SETBP1: variants seen among roughly 807,000 people sequenced by gnomAD.
The protein encoded by SETBP1 is SET binding protein 1.
Under a neutral mutation model 101.0 loss-of-function variants are expected in SETBP1, and 9 were observed. The observed-to-expected ratio is 0.09, with a 90% CI of 0.05 to 0.16. SETBP1 has a LOEUF of 0.16. SETBP1 is among the 10% of genes least tolerant of loss of function. The pLI, the probability that SETBP1 is intolerant of heterozygous loss-of-function variation, is 1.00. For synonymous variants in SETBP1, 818 were observed against 788.5 expected, an observed-to-expected ratio of 1.04 and a Z score of -0.63; for missense variants, 1,858 against 2,033.8, an observed-to-expected ratio of 0.91 and a Z score of 1.66.
intron 5 of SETBP1, among the ~76,000 whole-genome samples, chr18:45,041,714 C>A (rs1172564228): frequency 6.6e-6 from 1 of 152,170 alleles, no homozygotes; most frequent in African/African-American, 2.4e-5. Flanking sequence ...GTCATCCCAG[C>A]ATTTTGAGAG....
intron 4 of SETBP1, chr18:44,986,646 T>C (rs901363146): frequency 6.6e-6 from 1 of 151,998 alleles, no homozygotes; most frequent in Admixed American, 6.5e-5. Context: ...TTTAAACTTT[T>C]TGGTTAAAAA....
At chr18:44,928,469 G>A (rs1390561686) in intron 3 of SETBP1, among the ~76,000 whole-genome samples, 1 of 152,162 alleles carries the variant, frequency 6.6e-6, no homozygotes, top group Admixed American at 6.5e-5. Flanking sequence ...AAGGTCAAAT[G>A]GTATTTCTAG....
chr18:44,734,745 C>T (rs1463134616), intron 2 of SETBP1, among the ~76,000 whole-genome samples: 1 of 152,168 alleles, frequency 6.6e-6, no homozygotes, highest in Admixed American at 6.5e-5. Context: ...CAGTCATTTC[C>T]TGGCAAAATG....
intron 2 of SETBP1, among the ~76,000 whole-genome samples, chr18:44,730,402 G>A (rs2069813268): frequency 6.6e-6 from 1 of 152,198 alleles, no homozygotes; most frequent in Admixed American, 6.5e-5. Context: ...ATGGAACTAC[G>A]GAGGATTCAG....
At chr18:45,055,461 T>G (rs1029807292) in intron 5 of SETBP1, among the ~76,000 whole-genome samples, 1 of 152,208 alleles carries the variant, frequency 6.6e-6, no homozygotes, top group Non-Finnish European at 1.5e-5. Context: ...AAAAATATTT[T>G]TGTTGCTATC....
chr18:44,682,747 C>G (rs1159130535), intron 1 of SETBP1, among the ~76,000 whole-genome samples: 1 of 152,108 alleles, frequency 6.6e-6, no homozygotes, highest in Admixed American at 6.5e-5. Context: ...GATATGGAGA[C>G]CAGGTACCCA....
chr18:44,939,406 A>C (rs2071037495), intron 3 of SETBP1, among the ~76,000 whole-genome samples: 1 of 152,172 alleles, frequency 6.6e-6, no homozygotes, highest in Admixed American at 6.5e-5. Context: ...TGTGTGGCTT[A>C]TCCATGTGGT....
At chr18:44,857,015 C>T (rs924730950) in intron 2 of SETBP1, among the ~76,000 whole-genome samples, 3 of 152,184 alleles carry the variant, frequency 2.0e-5, no homozygotes, top group East Asian at 3.9e-4. Context: ...GAGCTGAGTT[C>T]TCCAATTTTT....
In SETBP1 at chr18:44,824,564, G is replaced by A. The variant is rs914436345; in HGVS notation, c.487-44666G>A. On this transcript the variant is annotated intron_variant, in intron 2 of 5. Transcript: ENST00000649279. ...ATTTGCTGATGGATTTCCTGATTGC[G>A]CCTCTATATTTCTGACGGTGTAACA... Among the ~76,000 whole-genome samples, 8 of 152,168 alleles carry A rather than the reference G, an allele frequency of 5.3e-5. No individual in the cohort carries two copies. In the Middle Eastern group the frequency reaches 0.014, roughly 259 times the overall value.
At chr18:44,901,589 C>T (rs1328248246) in intron 3 of SETBP1, among the ~76,000 whole-genome samples, 1 of 152,098 alleles carries the variant, frequency 6.6e-6, no homozygotes, top group Non-Finnish European at 1.5e-5. Flanking sequence ...GTGGCACAAC[C>T]CTCTGCCTGT....
At chr18:44,710,686 G>A (rs1374333491) in intron 2 of SETBP1, among the ~76,000 whole-genome samples, 1 of 152,194 alleles carries the variant, frequency 6.6e-6, no homozygotes, top group African/African-American at 2.4e-5. Context: ...TCCTGACCTC[G>A]TGATCTGCCC....
chr18:44,841,563 C>T (rs2072618746), intron 2 of SETBP1, among the ~76,000 whole-genome samples: 1 of 152,204 alleles, frequency 6.6e-6, no homozygotes, highest in South Asian at 2.1e-4. Flanking sequence ...ACTCATGTGA[C>T]TCCATGTAGT....
chr18:45,009,552 A>G (rs1056906222), intron 4 of SETBP1, among the ~76,000 whole-genome samples: 1 of 151,466 alleles, frequency 6.6e-6, no homozygotes, highest in Non-Finnish European at 1.5e-5. Context: ...ATTATCATTC[A>G]TGGGTTTGCT....
intron 2 of SETBP1, among the ~76,000 whole-genome samples, chr18:44,799,472 C>T (rs1265970098): frequency 6.6e-6 from 1 of 152,184 alleles, no homozygotes; most frequent in African/African-American, 2.4e-5. Context: ...TAAAACTCAT[C>T]TCCTAAAACT....
chr18:44,700,474 T>A (rs1234384522), intron 1 of SETBP1, among the ~76,000 whole-genome samples: 1 of 152,230 alleles, frequency 6.6e-6, no homozygotes, highest in South Asian at 2.1e-4. Flanking sequence ...CTCTTTTGTG[T>A]CAGTAGAAAC....
intron 4 of SETBP1, among the ~76,000 whole-genome samples, chr18:44,971,804 A>C (rs1175531291): frequency 1.3e-5 from 2 of 152,102 alleles, no homozygotes; most frequent in African/African-American, 4.8e-5. Flanking sequence ...AGATTGCAAA[A>C]ATTTTCTCCC....
intron 3 of SETBP1, among the ~76,000 whole-genome samples, chr18:44,897,660 A>G (rs2069938779): frequency 1.3e-5 from 2 of 152,186 alleles, no homozygotes; most frequent in Non-Finnish European, 2.9e-5. Context: ...CAGCTCTCAG[A>G]GAATAGGTAA....
intron 4 of SETBP1, among the ~76,000 whole-genome samples, chr18:44,954,095 C>T (rs1445463637): frequency 6.6e-6 from 1 of 152,114 alleles, no homozygotes; most frequent in Non-Finnish European, 1.5e-5. Flanking sequence ...CTAATTTAAA[C>T]TGAAATGCTG....
chr18:44,781,848 T>C (rs141333076), intron 2 of SETBP1, among the ~76,000 whole-genome samples: 86 of 152,308 alleles, frequency 5.6e-4, no homozygotes, highest in African/African-American at 1.9e-3. Flanking sequence ...AAGTGTAAAA[T>C]GAAGAAGTCA....
Sources: gnomAD v4.1 joint callset for allele counts (sites outside exome capture counted in the v4.1 genomes callset) on GRCh38, gnomAD v4.1.1 for gene constraint, MANE v1.5 for transcripts, NCBI Gene and HGNC (gene_info 2026-07-23, HGNC 2026-07-21) for gene names.